RNF2: variants seen among roughly 807,000 people sequenced by gnomAD.
RNF2 encodes the protein E3 ubiquitin-protein ligase RING2.
A neutral mutation model predicts 37.2 loss-of-function variants in RNF2; 6 were observed. The ratio of observed to expected loss-of-function variants is 0.16; its 90% CI spans 0.09 to 0.32. The LOEUF is 0.32. Ranked by LOEUF, RNF2 falls within the 10% of genes least tolerant of loss-of-function variation. RNF2 has a pLI of 1.00. For synonymous variants in RNF2, 133 were observed against 132.7 expected (o/e 1.00, Z -0.02); for missense variants, 251 against 404.0 (o/e 0.62, Z 3.25).
chr1:185,054,105 A>C (rs1047514113), intron 1 of RNF2, among the ~76,000 whole-genome samples: 2 of 152,210 alleles, frequency 1.3e-5, no homozygotes, highest in Non-Finnish European at 2.9e-5. Flanking sequence ...TCTAGAAGTG[A>C]AACTGCCGGG....
intron 4 of RNF2, 38 bp from the exon 5 acceptor site, chr1:185,098,034 A>C: frequency 6.2e-7 from 1 of 1,602,162 alleles, no homozygotes; most frequent in South Asian, 1.1e-5. Context: ...AAAGGCCTAA[A>C]AGTAAATTTT....
chr1:185,079,473 C>G (rs184230725), intron 1 of RNF2, among the ~76,000 whole-genome samples: 1 of 152,162 alleles, frequency 6.6e-6, no homozygotes, highest in Non-Finnish European at 1.5e-5. Context: ...CCTGTTTTAA[C>G]CTTTTAAAGG....
At chr1:185,079,895 A>C (rs1209422329) in intron 1 of RNF2, among the ~76,000 whole-genome samples, 1 of 151,600 alleles carries the variant, frequency 6.6e-6, no homozygotes, top group African/African-American at 2.4e-5. Context: ...GCGCCACTGC[A>C]CTCTAGCCTG....
In RNF2 at chr1:185,093,124, A is replaced by G; in HGVS notation, c.312A>G (p.Pro104=). ...CCAAAAGATCACTAAGGCCAGACCC[A>G]AACTTTGATGCACTCATCAGCAAAA... The part of the protein sequence containing the change: ...LVSKRSLRPD[P]NFDALISKIY... Residue 104 remains proline, a synonymous_variant, in exon 4 of 7, where the codon CCA becomes CCG. Coordinates refer to ENST00000367510, the MANE Select transcript of RNF2 (RefSeq NM_007212.4). 1 of 1,614,030 alleles carries G rather than the reference A, an allele frequency of 6.2e-7. No individual in the cohort carries two copies. The highest frequency in any genetic ancestry group is 8.5e-7 in the Non-Finnish European group (1 of 1,179,906).
intron 1 of RNF2, among the ~76,000 whole-genome samples, chr1:185,076,597 T>G (rs77460284): frequency 2.8e-3 from 370 of 132,636 alleles, no homozygotes; most frequent in African/African-American, 0.011. Flanking sequence ...TATTTTATGG[T>G]TTTTTTTTTT....
At chr1:185,090,618 A>G (rs925700343) in intron 2 of RNF2, among the ~76,000 whole-genome samples, 1 of 152,204 alleles carries the variant, frequency 6.6e-6, no homozygotes, top group African/African-American at 2.4e-5. Context: ...AGAAAGCACA[A>G]GTATGATGGA....
rs867398085 is a variant in RNF2, at chr1:185,095,398, C to T, written c.464+2122C>T. 5.3e-5 allele frequency among the ~76,000 whole-genome samples: 8 copies of T among 152,314 alleles called. No individual in the cohort carries two copies. In the Middle Eastern group the frequency reaches 0.02, roughly 389 times the overall value. On this transcript the variant is annotated intron_variant, in intron 4 of 6. Coordinates refer to ENST00000367510, the MANE Select transcript of RNF2 (RefSeq NM_007212.4). ...ACTTACACTACTCTATTTCAGGAACCTTCTTCCAAATAATCCACATGGCAC... is the reference window on the plus strand; with the variant it reads ...ACTTACACTACTCTATTTCAGGAACTTTCTTCCAAATAATCCACATGGCAC...
rs889375655 is a variant in RNF2, at chr1:185,083,678, C to G, written c.-2-3874C>G. Among the ~76,000 whole-genome samples the G allele has an allele frequency of 2.0e-5, 3 of 152,006 alleles. No individual in the cohort carries two copies. In the East Asian group the frequency reaches 5.8e-4, roughly 29 times the overall value. On this transcript the variant is annotated intron_variant, in intron 1 of 6. Coordinates refer to ENST00000367510, the MANE Select transcript of RNF2 (RefSeq NM_007212.4). ...TTGGAGACTCGAGCTCAGTCTGTTG[C>G]CCAGGCTGGAGTGCAGTGGTGTGAT... is the stretch of plus-strand genomic sequence containing the variant.
chr1:185,090,767 CTG>C (rs749099110), intron 2 of RNF2, among the ~76,000 whole-genome samples: 2 of 152,180 alleles, frequency 1.3e-5, no homozygotes, highest in Non-Finnish European at 2.9e-5. Flanking sequence ...GCTGAGTAAT[CTG>C]TGTTCTCACT....
intron 4 of RNF2, among the ~76,000 whole-genome samples, chr1:185,095,070 C>T (rs1043058769): frequency 6.6e-6 from 1 of 152,194 alleles, no homozygotes; most frequent in Admixed American, 6.5e-5. Flanking sequence ...AGATGTGCTC[C>T]ATTCTAACAG....
intron 1 of RNF2, among the ~76,000 whole-genome samples, chr1:185,073,166 A>AT (rs1249607592): frequency 2.7e-5 from 4 of 150,934 alleles, no homozygotes; most frequent in African/African-American, 4.9e-5. Context: ...CTAATTAGCC[A>AT]TTTTTTTATT....
intron 1 of RNF2, among the ~76,000 whole-genome samples, chr1:185,059,640 A>G (rs1250380657): frequency 1.3e-5 from 2 of 152,136 alleles, no homozygotes; most frequent in Admixed American, 1.3e-4. Flanking sequence ...AGTAATAATC[A>G]TATGTTTGGT....
chr1:185,099,051 CTTTT>C (rs1345375710), intron 5 of RNF2, among the ~76,000 whole-genome samples: 4 of 124,686 alleles, frequency 3.2e-5, no homozygotes. Context: ...TGCCCGGCCT[CTTTT>C]TTTTTTTTTT....
chr1:185,046,816 AGAT>A (rs1160618505), intron 1 of RNF2, among the ~76,000 whole-genome samples: 1 of 152,216 alleles, frequency 6.6e-6, no homozygotes, highest in Non-Finnish European at 1.5e-5. Context: ...GGTAATTCCA[AGAT>A]GATCAGCTGG....
Position 185,076,497 on chromosome 1 carries a change from A to C in RNF2, c.-2-11055A>C, listed in dbSNP as rs1476929042. 2.7e-5 allele frequency among the ~76,000 whole-genome samples: 4 copies of C among 150,466 alleles called. No homozygotes were observed. In the East Asian group the frequency reaches 7.8e-4, roughly 29 times the overall value. ...AGTAGAGACGGGATTTTACCGTGTT[A>C]GCCAGGACTCGATCTCCTGACCTTG... On this transcript the variant is annotated intron_variant, in intron 1 of 6. Coordinates refer to ENST00000367510, the MANE Select transcript of RNF2 (RefSeq NM_007212.4).
At chr1:185,067,749 T>G (rs1453747442) in intron 1 of RNF2, among the ~76,000 whole-genome samples, 1 of 150,106 alleles carries the variant, frequency 6.7e-6, no homozygotes, top group East Asian at 1.9e-4. Context: ...CTTGCTCTGT[T>G]GCCCAGGCTG....
chr1:185,078,443 T>C (rs1651240236), intron 1 of RNF2, among the ~76,000 whole-genome samples: 1 of 152,176 alleles, frequency 6.6e-6, no homozygotes, highest in African/African-American at 2.4e-5. Flanking sequence ...TTCTCTAATA[T>C]GTCTATTTTG....
At chr1:185,081,922 ACAGTGAC>A (rs1448656211) in intron 1 of RNF2, among the ~76,000 whole-genome samples, 1 of 152,246 alleles carries the variant, frequency 6.6e-6, no homozygotes, top group East Asian at 1.9e-4. Context: ...AGACCACCAA[ACAGTGAC>A]CATGACTTTT....
At chr1:185,066,585 A>G (rs940812972) in intron 1 of RNF2, among the ~76,000 whole-genome samples, 1 of 152,234 alleles carries the variant, frequency 6.6e-6, no homozygotes, top group Non-Finnish European at 1.5e-5. Context: ...AGTAGCCAAT[A>G]CATTGTTAGA....
Sources: gnomAD v4.1 joint callset for allele counts (sites outside exome capture counted in the v4.1 genomes callset) on GRCh38, gnomAD v4.1.1 for gene constraint, MANE v1.5 for transcripts, NCBI Gene and HGNC (gene_info 2026-07-23, HGNC 2026-07-21) for gene names.